RBMS3: variants seen among roughly 807,000 people sequenced by gnomAD.
RBMS3 encodes RNA-binding motif, single-stranded-interacting protein 3.
In RBMS3, 27 loss-of-function variants were observed where a neutral mutation model predicts 66.8. The ratio of observed to expected loss-of-function variants is 0.40; its 90% CI spans 0.30 to 0.56. The LOEUF is 0.56. RBMS3 is among the 20% of genes least tolerant of loss of function. The probability of loss-of-function intolerance (pLI) is 0.40; values close to 1 mark genes in which losing one functional copy is unlikely to be tolerated. For missense variants in RBMS3, 513 were observed against 549.5 expected (o/e 0.93, Z 0.66); for synonymous variants, 188 against 183.0 (o/e 1.03, Z -0.22).
chr3:29,987,556 G>A (rs997551173), intron 12 of RBMS3, among the ~76,000 whole-genome samples: 1 of 151,922 alleles, frequency 6.6e-6, no homozygotes, highest in Non-Finnish European at 1.5e-5. Flanking sequence ...ATGGGAGAAG[G>A]GAACAATAGA....
At chr3:29,499,102 T>A (rs903174182) in intron 3 of RBMS3, among the ~76,000 whole-genome samples, 1 of 152,030 alleles carries the variant, frequency 6.6e-6, no homozygotes, top group African/African-American at 2.4e-5. Context: ...GGGAAAAAAA[T>A]TTTCTTTGTT....
intron 6 of RBMS3, among the ~76,000 whole-genome samples, chr3:29,865,195 G>A (rs1244212459): frequency 2.6e-5 from 4 of 152,006 alleles, no homozygotes; most frequent in Admixed American, 1.3e-4. Flanking sequence ...CCAGGAAGCT[G>A]GCACCCTTAA....
chr3:30,001,029 A>T (rs1699583848), intron 14 of RBMS3, among the ~76,000 whole-genome samples: 1 of 139,044 alleles, frequency 7.2e-6, no homozygotes. Context: ...CCCAGAACTT[A>T]AAGTATAATA....
rs533720227 is a variant in RBMS3, at chr3:29,510,666, A to G, written c.307+22167A>G. On this transcript the variant is annotated intron_variant, in intron 3 of 14. Transcript: ENST00000383767. ...GCTCCAATAAGCATTTTCTTGGAGC[A>G]TGAATTTTGAGCATCATATAAGCAA... 2.6e-5 allele frequency among the ~76,000 whole-genome samples: 4 copies of G among 152,296 alleles called. No individual in the cohort carries two copies. The South Asian group carries it at 6.2e-4, about 24-fold the overall frequency.
chr3:29,321,973 G>T (rs1311246850), intron 1 of RBMS3, among the ~76,000 whole-genome samples: 1 of 152,090 alleles, frequency 6.6e-6, no homozygotes, highest in East Asian at 1.9e-4. Flanking sequence ...ATATTATAAT[G>T]GATCCCAATC....
At chr3:29,564,197 C>T (rs1396462275) in intron 3 of RBMS3, among the ~76,000 whole-genome samples, 1 of 151,900 alleles carries the variant, frequency 6.6e-6, no homozygotes, top group African/African-American at 2.4e-5. Context: ...TTTTTTTAGG[C>T]CAGGAGCAGG....
chr3:29,794,455 G>A (rs536448179), intron 6 of RBMS3, among the ~76,000 whole-genome samples: 8 of 151,970 alleles, frequency 5.3e-5, no homozygotes, highest in Non-Finnish European at 8.8e-5. Flanking sequence ...GCATGGTGGC[G>A]GGCGCCTGTA....
intron 4 of RBMS3, among the ~76,000 whole-genome samples, chr3:29,732,903 A>G (rs2054195450): frequency 6.6e-6 from 1 of 152,132 alleles, no homozygotes; most frequent in Non-Finnish European, 1.5e-5. Context: ...AAAAAGTACT[A>G]CATCAAGTCA....
intron 4 of RBMS3, among the ~76,000 whole-genome samples, chr3:29,679,889 T>A (rs950598328): frequency 1.3e-5 from 2 of 152,020 alleles, no homozygotes; most frequent in Non-Finnish European, 2.9e-5. Context: ...TTGTTTAAAA[T>A]TCCCTTGTTT....
chr3:29,652,267 T>G (rs2050171869), intron 4 of RBMS3, among the ~76,000 whole-genome samples: 1 of 152,166 alleles, frequency 6.6e-6, no homozygotes, highest in Middle Eastern at 3.2e-3. Context: ...ACATATAAAT[T>G]CTTATGTTAA....
chr3:29,583,020 G>A (rs1242035534), intron 3 of RBMS3, among the ~76,000 whole-genome samples: 2 of 152,024 alleles, frequency 1.3e-5, no homozygotes, highest in Non-Finnish European at 1.5e-5. Flanking sequence ...TATTTATGAA[G>A]CCTTTATCCC....
At chr3:29,725,589 C>T (rs2053830055) in intron 4 of RBMS3, among the ~76,000 whole-genome samples, 1 of 151,944 alleles carries the variant, frequency 6.6e-6, no homozygotes, top group African/African-American at 2.4e-5. Flanking sequence ...ATACTATAAA[C>T]ACCTCTATGA....
chr3:29,734,361 A>G (rs1339994931), intron 4 of RBMS3, among the ~76,000 whole-genome samples: 1 of 152,066 alleles, frequency 6.6e-6, no homozygotes, highest in Non-Finnish European at 1.5e-5. Context: ...AATTAACAAT[A>G]ATTTATTGCA....
intron 2 of RBMS3, among the ~76,000 whole-genome samples, chr3:29,483,769 T>C (rs80049197): frequency 6.6e-6 from 1 of 152,220 alleles, no homozygotes; most frequent in African/African-American, 2.4e-5. Flanking sequence ...TCATTCCTCA[T>C]TGACAAAATA....
intron 7 of RBMS3, among the ~76,000 whole-genome samples, chr3:29,871,059 T>C (rs929541506): frequency 6.6e-6 from 1 of 152,162 alleles, no homozygotes; most frequent in African/African-American, 2.4e-5. Context: ...TGCTAAAGTA[T>C]ATTAGCAAGT....
intron 1 of RBMS3, among the ~76,000 whole-genome samples, chr3:29,358,928 A>C (rs963234384): frequency 9.9e-5 from 15 of 152,192 alleles, no homozygotes; most frequent in African/African-American, 3.6e-4. Context: ...GTTGCTTATC[A>C]GCTTAAGGAG....
intron 4 of RBMS3, among the ~76,000 whole-genome samples, chr3:29,591,363 T>C (rs1006548073): frequency 2.0e-5 from 3 of 152,102 alleles, no homozygotes; most frequent in African/African-American, 7.2e-5. Context: ...ATTCCCGCAA[T>C]GTAGAATGAC....
intron 12 of RBMS3, among the ~76,000 whole-genome samples, chr3:29,968,360 G>C (rs1464509345): frequency 6.6e-6 from 1 of 152,140 alleles, no homozygotes; most frequent in Non-Finnish European, 1.5e-5. Context: ...TCTGGCCGGG[G>C]GTTTCTCTCC....
intron 4 of RBMS3, among the ~76,000 whole-genome samples, chr3:29,725,223 T>C (rs576775396): frequency 2.0e-5 from 3 of 152,348 alleles, no homozygotes; most frequent in African/African-American, 7.2e-5. Flanking sequence ...TTTTCATTGA[T>C]AGCCTAGGCA....
Sources: gnomAD v4.1 joint callset for allele counts (sites outside exome capture counted in the v4.1 genomes callset) on GRCh38, gnomAD v4.1.1 for gene constraint, MANE v1.5 for transcripts, NCBI Gene and HGNC (gene_info 2026-07-23, HGNC 2026-07-21) for gene names.